Variants in PEX5L observed in about 807,000 individuals in gnomAD.
The protein encoded by PEX5L is PEX5-related protein.
Under a neutral mutation model 84.0 loss-of-function variants are expected in PEX5L, and 30 were observed. The observed-to-expected ratio is 0.36, with a 90% CI of 0.27 to 0.48. The LOEUF (loss-of-function observed/expected upper bound fraction) is 0.48. Among genes scored for constraint, PEX5L ranks in the 20% least tolerant of loss-of-function variants. PEX5L has a pLI of 0.99. For missense variants in PEX5L, 533 were observed against 754.6 expected (o/e 0.71, Z 3.44); for synonymous variants, 270 against 283.1 (o/e 0.95, Z 0.46).
intron 2 of PEX5L, among the ~76,000 whole-genome samples, chr3:179,912,220 A>G (rs1352110132): frequency 6.6e-6 from 1 of 152,132 alleles, no homozygotes; most frequent in Non-Finnish European, 1.5e-5. Flanking sequence ...CAAGTTGCTT[A>G]AAAGTTTTTC....
intron 1 of PEX5L, among the ~76,000 whole-genome samples, chr3:180,015,604 T>C (rs1789876564): frequency 6.6e-6 from 1 of 152,058 alleles, no homozygotes; most frequent in Non-Finnish European, 1.5e-5. Flanking sequence ...TGTTCCTTAG[T>C]GTTTTCATGG....
intron 8 of PEX5L, among the ~76,000 whole-genome samples, chr3:179,827,772 T>G (rs1224747986): frequency 6.6e-6 from 1 of 152,158 alleles, no homozygotes; most frequent in Admixed American, 6.5e-5. Context: ...CAGAGTTCTG[T>G]GGCCAAATGA....
intron 2 of PEX5L, among the ~76,000 whole-genome samples, chr3:179,960,983 A>G (rs1781852104): frequency 6.6e-6 from 1 of 152,238 alleles, no homozygotes; most frequent in African/African-American, 2.4e-5. Flanking sequence ...TTATTCACAA[A>G]TTATACAAAT....
intron 2 of PEX5L, among the ~76,000 whole-genome samples, chr3:179,935,793 A>G (rs1465279163): frequency 6.6e-6 from 1 of 152,222 alleles, no homozygotes; most frequent in East Asian, 1.9e-4. Flanking sequence ...CTCCACCATC[A>G]TGGGGAGCTT....
At chr3:179,886,867 C>G (rs1027504476) in intron 4 of PEX5L, among the ~76,000 whole-genome samples, 1 of 152,170 alleles carries the variant, frequency 6.6e-6, no homozygotes, top group African/African-American at 2.4e-5. Context: ...TGTGATTATC[C>G]TTTTCTTTTT....
intron 1 of PEX5L, among the ~76,000 whole-genome samples, chr3:179,978,991 A>C (rs145188104): frequency 0.01 from 1,569 of 152,288 alleles, 14 homozygotes; most frequent in South Asian, 0.034. Context: ...AACAGCAAAC[A>C]ACCTCACTAT....
intron 2 of PEX5L, among the ~76,000 whole-genome samples, chr3:179,942,864 GTAGAC>G (rs1467022805): frequency 1.3e-5 from 2 of 152,198 alleles, no homozygotes; most frequent in African/African-American, 4.8e-5. Context: ...GTTACATATA[GTAGAC>G]ATAATGGAAA....
At chr3:179,802,532 C>CAAAAAAAAAAAAAAA (rs369244711) in intron 14 of PEX5L, among the ~76,000 whole-genome samples, 47 of 73,660 alleles carry the variant, frequency 6.4e-4, no homozygotes, top group Middle Eastern at 8.1e-3. Flanking sequence ...GAGACTGTCT[C>CAAAAAAAAAAAAAAA]AAAAAAAAAA....
intron 2 of PEX5L, among the ~76,000 whole-genome samples, chr3:179,939,767 G>A (rs1001401735): frequency 2.0e-5 from 3 of 152,190 alleles, no homozygotes; most frequent in African/African-American, 7.2e-5. Context: ...CCCCCACTGA[G>A]TGAGCAGACA....
chr3:179,942,553 T>C (rs1010446717), intron 2 of PEX5L, among the ~76,000 whole-genome samples: 4 of 152,240 alleles, frequency 2.6e-5, no homozygotes, highest in South Asian at 4.1e-4. Flanking sequence ...CTTGAATTCT[T>C]TGGTCCTCAC....
rs201940522 is a variant in PEX5L at position 179,824,026 on chromosome 3, AT to A, written c.823-4051del. 8.2e-3 allele frequency among the ~76,000 whole-genome samples: 1,248 copies of A among 152,244 alleles called. 16 individuals are homozygous for A. The highest frequency in any genetic ancestry group is 0.028 in the African/African-American group (1,182 of 41,546). ...TTTGATTGTAAAACTGGAAAACAAA[AT>A]TTTTTTATAAGAACCAGGGCAATAT... On this transcript the variant is annotated intron_variant, in intron 8 of 14. Coordinates refer to ENST00000467460, the MANE Select transcript of PEX5L (RefSeq NM_016559.3).
At chr3:179,993,552 T>G (rs1787580108) in intron 1 of PEX5L, among the ~76,000 whole-genome samples, 1 of 152,130 alleles carries the variant, frequency 6.6e-6, no homozygotes. Flanking sequence ...CAGGTTGGAG[T>G]GCAGTGGCAT....
chr3:179,931,765 C>G (rs1407913194), intron 2 of PEX5L, among the ~76,000 whole-genome samples: 1 of 152,122 alleles, frequency 6.6e-6, no homozygotes, highest in Non-Finnish European at 1.5e-5. Context: ...CTGAGATGAT[C>G]AGTTAAGTTC....
At position 179,919,287 on chromosome 3, in the gene PEX5L, T is replaced by G. The variant is rs1768398414; in HGVS notation, c.94-21041A>C. ...AGATTTGAATCTGGGTTTGCTTAACTTTGAAGCTGGAGATCTTCCCACTAC... is the reference window on the plus strand; with the variant it reads ...AGATTTGAATCTGGGTTTGCTTAACGTTGAAGCTGGAGATCTTCCCACTAC... On this transcript the variant is annotated intron_variant, in intron 2 of 14. Transcript: ENST00000467460. Among the ~76,000 whole-genome samples, 7 of 152,348 alleles carry G rather than the reference T, an allele frequency of 4.6e-5. No individual in the cohort carries two copies. The South Asian group carries it at 1.4e-3, about 32-fold the overall frequency.
intron 8 of PEX5L, among the ~76,000 whole-genome samples, chr3:179,837,254 T>C (rs774941170): frequency 6.6e-6 from 1 of 152,174 alleles, no homozygotes; most frequent in African/African-American, 2.4e-5. Context: ...TCCTTATATG[T>C]AGGCCACACT....
Position 179,797,600 on chromosome 3 carries a change from A to AT in PEX5L, c.*4227_*4228insA, listed in dbSNP as rs1560110730. ...CTATGAACACTCTTTAAAAAAAAAA[A>AT]AAAAAATATATATATATATATATAT... is the stretch of plus-strand genomic sequence containing the variant. On this transcript the variant is annotated 3_prime_UTR_variant, in exon 15 of 15. Transcript: ENST00000467460. 9.7e-4 allele frequency: 106 copies of AT among 109,830 alleles called. 1 individual carries two copies. The highest frequency in any genetic ancestry group is 2.6e-3 in the South Asian group (9 of 3,496). The allele number at this position is 109,830 out of a possible 1,614,324, so 6.8% of individuals were successfully genotyped here.
intron 2 of PEX5L, among the ~76,000 whole-genome samples, chr3:179,923,305 A>AAAAC (rs1553900544): frequency 3.0e-5 from 4 of 132,480 alleles, no homozygotes; most frequent in African/African-American, 1.1e-4. Flanking sequence ...AAAAAAAAAA[A>AAAAC]AAAAAACACC....
intron 1 of PEX5L, among the ~76,000 whole-genome samples, chr3:180,014,471 C>CA (rs11312603): frequency 0.049 from 6,336 of 129,918 alleles, 232 homozygotes; most frequent in African/African-American, 0.12. Context: ...GACTCCGACT[C>CA]AAAAAAAAAA....
chr3:179,803,464 C>T (rs191047251), intron 14 of PEX5L, among the ~76,000 whole-genome samples: 128 of 152,184 alleles, frequency 8.4e-4, no homozygotes, highest in African/African-American at 2.9e-3. Flanking sequence ...TGAGACAAGC[C>T]GAGTTAGATG....
Sources: gnomAD v4.1 joint callset for allele counts (sites outside exome capture counted in the v4.1 genomes callset) on GRCh38, gnomAD v4.1.1 for gene constraint, MANE v1.5 for transcripts, NCBI Gene and HGNC (gene_info 2026-07-23, HGNC 2026-07-21) for gene names.